The following CGAS variants were observed in gnomAD, a reference collection of about 807,000 sequenced individuals.
CGAS encodes the protein cyclic GMP-AMP synthase, also known as 2'3'-cGAMP synthase.
In CGAS, 31 loss-of-function variants were observed where a neutral mutation model predicts 34.0. That is an observed-to-expected ratio of 0.91 (90% CI 0.69 to 1.23). The LOEUF is 1.23. Ranked by LOEUF, CGAS falls within the 50% of genes most tolerant of loss-of-function variation. The pLI is 0.00. For synonymous variants in CGAS, 266 were observed against 260.0 expected, an observed-to-expected ratio of 1.02 and a Z score of -0.22; for missense variants, 597 against 657.6, an observed-to-expected ratio of 0.91 and a Z score of 1.01.
chr6:73,425,252 T>C lies in CGAS; in HGVS notation c.1544A>G (p.Glu515Gly). 1.3e-6 allele frequency: 2 copies of C among 1,588,252 alleles called. No homozygotes were observed. The highest frequency in any genetic ancestry group is 2.3e-5 in the South Asian group (2 of 86,742). ...TCAAAATTCATCAAAAACTGGAAACTCATTGTTTCTTTCATATTCAATTTG... is the reference window on the plus strand; with the variant it reads ...TCAAAATTCATCAAAAACTGGAAACCCATTGTTTCTTTCATATTCAATTTG... Reference protein sequence around the residue: ...TKQIEYERNNEFPVFDEF With the variant: ...TKQIEYERNNGFPVFDEF The change falls in exon 5 of 5, where the codon GAG becomes GGG. Residue 515 changes from glutamate (E) to glycine (G), a missense_variant. Physicochemically the swap from Glu to Gly is moderately conservative, Grantham distance 98. Around this residue, in one of 3 missense-constraint regions of CGAS, gnomAD observed 271 missense variants for 324.1 expected, o/e 0.84. Coordinates refer to ENST00000370315, the MANE Select transcript of CGAS (RefSeq NM_138441.3).
At position 73,451,956 on chromosome 6, in the gene CGAS, C is replaced by A. The variant is rs987846250; in HGVS notation, c.226G>T (p.Ala76Ser). 1.3e-6 allele frequency: 2 copies of A among 1,487,642 alleles called. No individual in the cohort carries two copies. Among genetic ancestry groups the A allele is most frequent in the Admixed American group, 2.5e-5 (1 of 40,408 alleles). 92.2% of individuals were successfully genotyped at this position (1,487,642 alleles called of 1,614,324 possible). ...GCCTTTTTGGCGCGGGCCCCAGTTG[C>A]GCGGACGGGCGGCCTCTCCTGGGTG... is the stretch of plus-strand genomic sequence containing the variant. ...PDTQERPPVRATGARAKKAPQ... is the reference protein window; with the variant it reads ...PDTQERPPVRSTGARAKKAPQ... The change falls in exon 1 of 5, where the codon GCA (alanine) becomes TCA (serine). Residue 76 changes from alanine (A) to serine (S), a missense_variant. Ala to Ser is a moderately conservative substitution (Grantham distance 99). This residue lies in a region of CGAS where 321 missense variants were observed against 314.3 expected (regional missense o/e 1.02). Coordinates refer to ENST00000370315, the MANE Select transcript of CGAS (RefSeq NM_138441.3).
intron 3 of CGAS, among the ~76,000 whole-genome samples, chr6:73,436,212 C>A (rs536974649): frequency 1.3e-5 from 2 of 152,006 alleles, no homozygotes; most frequent in Non-Finnish European, 2.9e-5. Context: ...TGCCACTGCA[C>A]CCCCATTTCC....
At chr6:73,437,902 T>C (rs1182018824) in intron 3 of CGAS, among the ~76,000 whole-genome samples, 2 of 151,930 alleles carry the variant, frequency 1.3e-5, no homozygotes, top group East Asian at 1.9e-4. Context: ...ACCCAGTCTC[T>C]ACTAAAAATA....
chr6:73,428,474 T>A (rs563502851), intron 4 of CGAS, among the ~76,000 whole-genome samples: 1 of 152,226 alleles, frequency 6.6e-6, no homozygotes. Context: ...AACACATTCA[T>A]CTGATCCAGG....
rs1406989312 is a variant in CGAS at position 73,452,175 on chromosome 6, G to A, written c.7C>T (p.Pro3Ser). 3.7e-6 allele frequency: 6 copies of A among 1,601,368 alleles called. No homozygotes were observed. Among genetic ancestry groups the A allele is most frequent in the Non-Finnish European group, 4.3e-6 (5 of 1,174,612 alleles). The change falls in exon 1 of 5, where the codon CCT becomes TCT. Residue 3 changes from proline (P) to serine (S), a missense_variant. This residue lies in a region of CGAS where 321 missense variants were observed against 314.3 expected (regional missense o/e 1.02). Coordinates refer to ENST00000370315, the MANE Select transcript of CGAS (RefSeq NM_138441.3). ...CTCTGCATGGCCTTTCCGTGCCAAG[G>A]CTGCATGGCTGGCGCTTTCTGTTCC... MQ[P>S]WHGKAMQRAS...
At chr6:73,436,166 C>T (rs1770276345) in intron 3 of CGAS, among the ~76,000 whole-genome samples, 1 of 151,806 alleles carries the variant, frequency 6.6e-6, no homozygotes, top group Non-Finnish European at 1.5e-5. Context: ...CTGCCTCAGC[C>T]TCCCGAAGGC....
chr6:73,451,555 C>G lies in CGAS; in HGVS notation c.627G>C (p.Leu209=), dbSNP rs1770565472. The G allele has an allele frequency of 6.3e-7, 1 of 1,596,128 alleles. No homozygotes were observed. The highest frequency in any genetic ancestry group is 1.3e-5 in the African/African-American group (1 of 74,286). Residue 209 remains leucine (L), a synonymous_variant, in exon 1 of 5, where the codon CTG becomes CTC. Transcript: ENST00000370315. ...CGTGCTCATAGTAGCTCCCGGTGTT[C>G]AGCAGCCCGACGCCTCTGAACGCGG... ...CDSAFRGVGL[L]NTGSYYEHVK... is the part of the protein sequence containing the mutation.
rs932695540 is a variant in CGAS, at chr6:73,437,754, T to C, written c.1114+2455A>G. On this transcript the variant is annotated intron_variant, in intron 3 of 4. Transcript: ENST00000370315. ...TATTATTTTGCAACAGGTAAATTTT[T>C]AAAATTTAAAATTTTTAATCAAAAA... 5.9e-5 allele frequency among the ~76,000 whole-genome samples: 9 copies of C among 152,288 alleles called. No individual in the cohort carries two copies. In the East Asian group the frequency reaches 1.7e-3, roughly 29 times the overall value.
chr6:73,429,781 G>A (rs374008965), intron 3 of CGAS, among the ~76,000 whole-genome samples: 235 of 151,928 alleles, frequency 1.5e-3, no homozygotes, highest in Non-Finnish European at 2.7e-3. Flanking sequence ...AGCGGAGATC[G>A]CGCCACTGCA....
intron 4 of CGAS, among the ~76,000 whole-genome samples, chr6:73,427,207 C>T (rs548917828): frequency 2.0e-4 from 30 of 151,998 alleles, no homozygotes; most frequent in Admixed American, 1.7e-3. Flanking sequence ...CTTAAAGAAC[C>T]TCTGTGCCTG....
At chr6:73,439,382 G>A (rs1467459039) in intron 3 of CGAS, among the ~76,000 whole-genome samples, 1 of 151,692 alleles carries the variant, frequency 6.6e-6, no homozygotes, top group East Asian at 1.9e-4. Context: ...TCGGGAGGAT[G>A]GGGCAGGAGA....
intron 3 of CGAS, among the ~76,000 whole-genome samples, chr6:73,429,677 T>C (rs972212014): frequency 9.9e-5 from 15 of 151,494 alleles, no homozygotes; most frequent in African/African-American, 3.6e-4. Context: ...ATACAAAAAA[T>C]TAGCCGGGCG....
In CGAS at chr6:73,427,272, A is replaced by G. The variant is rs940704196; in HGVS notation, c.1217+1437T>C. 2.3e-5 allele frequency among the ~76,000 whole-genome samples: 3 copies of G among 133,262 alleles called. No homozygotes were observed. The East Asian group carries it at 6.6e-4, about 29-fold the overall frequency. 87.4% of individuals were successfully genotyped at this position (133,262 alleles called of 152,430 possible). On this transcript the variant is annotated intron_variant, in intron 4 of 4. Coordinates refer to ENST00000370315, the MANE Select transcript of CGAS (RefSeq NM_138441.3). Reference sequence around the variant, plus strand: ...AACTTTTGTGATCTTTATACTGGCCAACTTACTTTATTTATTTATTTATTT... The same window carrying G: ...AACTTTTGTGATCTTTATACTGGCCGACTTACTTTATTTATTTATTTATTT...
chr6:73,424,003 C>A lies in CGAS; in HGVS notation c.*1224G>T, dbSNP rs943084804. Reference sequence around the variant, plus strand: ...TGAACAGGAAATATTTAACAAACAGCAGTTGCCTCTAGGCTGAATGCTACC... The same window carrying A: ...TGAACAGGAAATATTTAACAAACAGAAGTTGCCTCTAGGCTGAATGCTACC... On this transcript the variant is annotated 3_prime_UTR_variant, in exon 5 of 5. Coordinates refer to ENST00000370315, the MANE Select transcript of CGAS (RefSeq NM_138441.3). 1.3e-5 allele frequency: 2 copies of A among 152,110 alleles called. No homozygotes were observed. The highest frequency in any genetic ancestry group is 3.8e-4 in the East Asian group (2 of 5,198). The allele number at this position is 152,110 out of a possible 1,614,324, so 9.4% of individuals were successfully genotyped here.
At chr6:73,426,836 A>T (rs1245794454) in intron 4 of CGAS, among the ~76,000 whole-genome samples, 3 of 149,946 alleles carry the variant, frequency 2.0e-5, no homozygotes, top group Non-Finnish European at 4.4e-5. Context: ...TATCAACAAT[A>T]TTTCTTTTTT....
intron 2 of CGAS, among the ~76,000 whole-genome samples, chr6:73,444,568 C>T (rs1051443806): frequency 2.0e-5 from 3 of 152,064 alleles, no homozygotes; most frequent in African/African-American, 7.2e-5. Context: ...CTCAGCCTCC[C>T]AAAGTGCTGG....
At chr6:73,438,064 G>A (rs1001857803) in intron 3 of CGAS, among the ~76,000 whole-genome samples, 8 of 152,046 alleles carry the variant, frequency 5.3e-5, no homozygotes, top group Non-Finnish European at 8.8e-5. Context: ...GCGAGACTCT[G>A]TCTCAAAAAA....
intron 4 of CGAS, among the ~76,000 whole-genome samples, 196 bp from the exon 5 acceptor site, chr6:73,425,774 AG>A (rs954275781): frequency 6.6e-6 from 1 of 152,100 alleles, no homozygotes; most frequent in Non-Finnish European, 1.5e-5. Context: ...CAAGAGTTTG[AG>A]TCCAGCCTGA....
chr6:73,447,739 C>A (rs559550594), intron 1 of CGAS, among the ~76,000 whole-genome samples: 1 of 152,224 alleles, frequency 6.6e-6, no homozygotes, highest in South Asian at 2.1e-4. Flanking sequence ...CAGAATGCAC[C>A]AATGGACCTA....
Sources: gnomAD v4.1 joint callset for allele counts (sites outside exome capture counted in the v4.1 genomes callset) on GRCh38, gnomAD v4.1.1 for gene constraint, gnomAD v4.1.1 regional missense constraint, MANE v1.5 for transcripts, NCBI Gene and HGNC (gene_info 2026-07-23, HGNC 2026-07-21) for gene names.